Variants in WNK1 observed in about 807,000 individuals in gnomAD.
WNK1 encodes serine/threonine-protein kinase WNK1.
A neutral mutation model predicts 222.8 loss-of-function variants in WNK1; 38 were observed. The ratio of observed to expected loss-of-function variants is 0.17; its 90% CI spans 0.13 to 0.22. The LOEUF is 0.22. WNK1 is among the 10% of genes least tolerant of loss of function. The pLI is 1.00. For missense variants in WNK1, 2,348 were observed against 2,918.4 expected, an observed-to-expected ratio of 0.80 and a Z score of 4.50; for synonymous variants, 1,090 against 1,092.9, an observed-to-expected ratio of 1.00 and a Z score of 0.05.
rs1361513024 is a variant in WNK1, at chr12:909,328, G to A, written c.*536G>A. On this transcript the variant is annotated 3_prime_UTR_variant, in exon 28 of 28. Transcript: ENST00000315939. ...CAGTGAAAAATACCAGGGTACTGGG[G>A]TGCAACTCTTTCTTATGATAGGTCA... is the stretch of plus-strand genomic sequence containing the variant. The A allele has an allele frequency of 1.9e-5, 3 of 155,774 alleles. No homozygotes were observed. Among genetic ancestry groups the A allele is most frequent in the Admixed American group, 6.2e-5 (1 of 16,084 alleles). The allele number at this position is 155,774 out of a possible 1,614,324, so 9.6% of individuals were successfully genotyped here.
intron 8 of WNK1, among the ~76,000 whole-genome samples, chr12:867,611 C>T (rs994627998): frequency 1.3e-5 from 2 of 152,130 alleles, no homozygotes; most frequent in Non-Finnish European, 2.9e-5. Flanking sequence ...TCTTCCATTT[C>T]CTTTGAGAGA....
chr12:767,968 A>G (rs1221249839), intron 1 of WNK1, among the ~76,000 whole-genome samples: 1 of 152,132 alleles, frequency 6.6e-6, no homozygotes, highest in Admixed American at 6.5e-5. Context: ...CTACCTAGAC[A>G]TGCTCTTTTC....
intron 3 of WNK1, among the ~76,000 whole-genome samples, chr12:829,320 C>T (rs975165627): frequency 6.6e-6 from 1 of 152,154 alleles, no homozygotes; most frequent in Admixed American, 6.5e-5. Context: ...ATGTCCCTCA[C>T]TACATTTCTT....
At chr12:794,502 A>AT (rs76061362) in intron 1 of WNK1, among the ~76,000 whole-genome samples, 6,864 of 148,146 alleles carry the variant, frequency 0.046, 475 homozygotes, top group African/African-American at 0.15. Context: ...AGTTGGTTGA[A>AT]TTTTTTTTTT....
At chr12:841,883 T>G (rs1168571437) in intron 4 of WNK1, among the ~76,000 whole-genome samples, 1 of 152,222 alleles carries the variant, frequency 6.6e-6, no homozygotes, top group African/African-American at 2.4e-5. Context: ...CATGACCTGA[T>G]CACCTCCCAA....
intron 26 of WNK1, among the ~76,000 whole-genome samples, chr12:907,038 A>AAAAAAAAAAAAAAAAAAAAT (rs1555163543): frequency 7.1e-6 from 1 of 139,874 alleles, no homozygotes; most frequent in Non-Finnish European, 1.6e-5. Flanking sequence ...AAAAAAAAAA[A>AAAAAAAAAAAAAAAAAAAAT]GCCGGGCGTG....
chr12:757,062 C>T (rs1303575233), intron 1 of WNK1, among the ~76,000 whole-genome samples: 1 of 152,090 alleles, frequency 6.6e-6, no homozygotes, highest in Non-Finnish European at 1.5e-5. Context: ...GCTAATAAGT[C>T]ATTTCAAATG....
At chr12:797,948 CAAAAA>C (rs10542152) in intron 1 of WNK1, among the ~76,000 whole-genome samples, 1 of 123,828 alleles carries the variant, frequency 8.1e-6, no homozygotes, top group Admixed American at 8.0e-5. Flanking sequence ...GACTCTGTCT[CAAAAA>C]AAAAAAAAAA....
At chr12:771,051 GCA>G (rs1942418768) in intron 1 of WNK1, among the ~76,000 whole-genome samples, 1 of 152,086 alleles carries the variant, frequency 6.6e-6, no homozygotes, top group Non-Finnish European at 1.5e-5. Context: ...AGGCTGGAGT[GCA>G]GTGGTGTGAT....
At chr12:781,597 T>A (rs1047570951) in intron 1 of WNK1, among the ~76,000 whole-genome samples, 1 of 152,296 alleles carries the variant, frequency 6.6e-6, no homozygotes, top group African/African-American at 2.4e-5. Context: ...AATTAAATGA[T>A]CTGTTTTATT....
At chr12:776,994 A>G (rs957319314) in intron 1 of WNK1, among the ~76,000 whole-genome samples, 1 of 152,138 alleles carries the variant, frequency 6.6e-6, no homozygotes, top group African/African-American at 2.4e-5. Flanking sequence ...ACTGTACTAA[A>G]TGACCTCTTG....
At chr12:871,622 A>G (rs1262249228) in intron 9 of WNK1, among the ~76,000 whole-genome samples, 1 of 151,752 alleles carries the variant, frequency 6.6e-6, no homozygotes. Context: ...CTTTTTTTTG[A>G]GACAAAGTCT....
rs770055208 is a variant in WNK1, at chr12:883,102, A to T, written c.3489+43A>T. On this transcript the variant is annotated intron_variant, in intron 15 of 27. Coordinates refer to ENST00000315939, the MANE Select transcript of WNK1 (RefSeq NM_018979.4). ...GTTCTAGGTTTTTCCTTAGTACTTG[A>T]TCTTAATAGCCATTGCTCTAGGCAA... 4.4e-6 allele frequency: 6 copies of T among 1,358,896 alleles called. No individual in the cohort carries two copies. In the South Asian group the frequency reaches 7.0e-5, roughly 16 times the overall value. 84.2% of individuals were successfully genotyped at this position (1,358,896 alleles called of 1,614,324 possible). A position where few individuals can be genotyped will look rare whatever the true frequency, so the allele number is the denominator to read the frequency against.
chr12:908,172 C>T (rs1356649246), intron 27 of WNK1, 138 bp downstream of exon 27: 8 of 1,125,474 alleles, frequency 7.1e-6, no homozygotes, highest in Non-Finnish European at 1.0e-5. Context: ...GCAAAAATCC[C>T]CCAGGTACCC....
intron 4 of WNK1, among the ~76,000 whole-genome samples, chr12:837,135 G>A (rs1196191501): frequency 6.6e-6 from 1 of 152,194 alleles, no homozygotes; most frequent in Non-Finnish European, 1.5e-5. Context: ...AGACTCCAGG[G>A]ATGCCTCATG....
intron 1 of WNK1, among the ~76,000 whole-genome samples, chr12:769,748 C>T (rs1167468957): frequency 6.6e-6 from 1 of 152,110 alleles, no homozygotes; most frequent in Non-Finnish European, 1.5e-5. Flanking sequence ...GCTACTATAA[C>T]ATAATATATA....
chr12:769,972 G>A (rs1000657770), intron 1 of WNK1, among the ~76,000 whole-genome samples: 1 of 150,744 alleles, frequency 6.6e-6, no homozygotes, highest in Non-Finnish European at 1.5e-5. Flanking sequence ...CATTGCATAA[G>A]TTTCTTTTTT....
chr12:829,008 A>G (rs1363965951), intron 3 of WNK1, among the ~76,000 whole-genome samples: 1 of 152,258 alleles, frequency 6.6e-6, no homozygotes, highest in African/African-American at 2.4e-5. Context: ...ATTCACAAGA[A>G]GAATGGGAAA....
intron 6 of WNK1, among the ~76,000 whole-genome samples, chr12:860,756 T>C (rs572420737): frequency 7.9e-5 from 12 of 152,346 alleles, no homozygotes; most frequent in Non-Finnish European, 1.3e-4. Context: ...TTGTTTGTTA[T>C]AAGGAGTGAA....
Sources: gnomAD v4.1 joint callset for allele counts (sites outside exome capture counted in the v4.1 genomes callset) on GRCh38, gnomAD v4.1.1 for gene constraint, MANE v1.5 for transcripts, NCBI Gene and HGNC (gene_info 2026-07-23, HGNC 2026-07-21) for gene names.